The following CYP4F22 variants were observed in gnomAD, a reference collection of about 807,000 sequenced individuals.
The protein encoded by CYP4F22 is ultra-long-chain fatty acid omega-hydroxylase.
CYP4F22 carries 37 observed loss-of-function variants against 60.4 expected under a neutral mutation model. The ratio of observed to expected loss-of-function variants is 0.61; its 90% confidence interval spans 0.47 to 0.81. CYP4F22 has a LOEUF of 0.81. CYP4F22 is among the 30% of genes least tolerant of loss of function. CYP4F22 has a pLI of 0.00. For missense variants in CYP4F22, 655 were observed against 715.0 expected, an observed-to-expected ratio of 0.92 and a Z score of 0.96; for synonymous variants, 258 against 280.5, an observed-to-expected ratio of 0.92 and a Z score of 0.80.
At chr19:15,546,129 C>A (rs1775923372) in intron 10 of CYP4F22, among the ~76,000 whole-genome samples, 1 of 152,154 alleles carries the variant, frequency 6.6e-6, no homozygotes, top group South Asian at 2.1e-4. Flanking sequence ...AGTGTGCCAC[C>A]ACAACTGGCT....
chr19:15,510,966 A>ATATATATATATTTTTTT (rs34055543), intron 1 of CYP4F22, among the ~76,000 whole-genome samples: 13 of 103,332 alleles, frequency 1.3e-4, no homozygotes, highest in Non-Finnish European at 1.8e-4. Context: ...ATATATATAT[A>ATATATATATATTTTTTT]TTTTTTTTTT....
chr19:15,529,668 G>A (rs1254644808), intron 3 of CYP4F22, 41 bp from the exon 4 acceptor site: 5 of 1,612,448 alleles, frequency 3.1e-6, no homozygotes, highest in Non-Finnish European at 4.2e-6. Flanking sequence ...GGGAAGCTGG[G>A]GCTGGGTACC....
At chr19:15,522,998 A>G (rs1274524684) in intron 1 of CYP4F22, among the ~76,000 whole-genome samples, 1 of 151,508 alleles carries the variant, frequency 6.6e-6, no homozygotes, top group African/African-American at 2.4e-5. Context: ...GGTGTGAGCC[A>G]CTGCACCCGG....
rs1205248539 is a variant in CYP4F22, at chr19:15,525,812, A to G, written c.222+254A>G. Among the ~76,000 whole-genome samples, 4 of 152,146 alleles carry G rather than the reference A, an allele frequency of 2.6e-5. No homozygotes were observed. In the East Asian group the frequency reaches 7.7e-4, roughly 29 times the overall value. ...GAGGCTGAGGTGAGAGGATTGCTTG[A>G]GGCCAGGAGTTTGAGACCAGCTTGG... On this transcript the variant is annotated intron_variant, in intron 3 of 13. Transcript: ENST00000269703.
intron 1 of CYP4F22, among the ~76,000 whole-genome samples, chr19:15,521,397 A>C (rs1215739004): frequency 6.6e-6 from 1 of 151,620 alleles, no homozygotes; most frequent in Non-Finnish European, 1.5e-5. Flanking sequence ...ACACCTGGCT[A>C]ATTTTTTGTA....
At position 15,537,680 on chromosome 19, in the gene CYP4F22, G is replaced by A; in HGVS notation, c.549+18G>A. ...TTATGCATGTGAGTCCTAAGGCTTT[G>A]AGGGAAGAGGGTGTCTTGGGAGTGA... On this transcript the variant is annotated intron_variant, in intron 6 of 13. Coordinates refer to ENST00000269703, the MANE Select transcript of CYP4F22 (RefSeq NM_173483.4). 6.2e-7 allele frequency: 1 copy of A among 1,610,216 alleles called. No individual in the cohort carries two copies. The highest frequency in any genetic ancestry group is 8.5e-7 in the Non-Finnish European group (1 of 1,180,014).
In CYP4F22 at chr19:15,510,027, G is replaced by A. The variant is rs555518454; in HGVS notation, c.-109+1444G>A. 2.2e-4 allele frequency among the ~76,000 whole-genome samples: 33 copies of A among 150,980 alleles called. 1 individual carries two copies. In the South Asian group the frequency reaches 6.9e-3, roughly 32 times the overall value. The stretch of plus-strand genomic sequence containing the variant: ...GACAGGGTCTCACTTTGTCACCCAG[G>A]CAGGAGTGCAGTGGCATAATCATAG... On this transcript the variant is annotated intron_variant, in intron 1 of 13. Coordinates refer to ENST00000269703, the MANE Select transcript of CYP4F22 (RefSeq NM_173483.4).
rs76015551 is a variant in CYP4F22, at chr19:15,537,352, C to T, written c.368-9C>T. ...TTTTGAGTCACCATTTTCCCTTTGC[C>T]CTCCACAGCTGCCATCGCCCCCAAG... On this transcript the variant is annotated splice_polypyrimidine_tract_variant and intron_variant, in intron 4 of 13. Coordinates refer to ENST00000269703, the MANE Select transcript of CYP4F22 (RefSeq NM_173483.4). The T allele has an allele frequency of 6.2e-7, 1 of 1,614,018 alleles. No homozygotes were observed. Among genetic ancestry groups the T allele is most frequent in the African/African-American group, 1.3e-5 (1 of 74,986 alleles).
intron 4 of CYP4F22, among the ~76,000 whole-genome samples, chr19:15,533,092 G>C (rs946494818): frequency 6.6e-6 from 1 of 152,272 alleles, no homozygotes; most frequent in Admixed American, 6.5e-5. Flanking sequence ...CCTGGAGGAG[G>C]GCCCAGCTCC....
In CYP4F22 at chr19:15,541,603, G is replaced by A. The variant is rs1047163234; in HGVS notation, c.939+886G>A. 2.6e-5 allele frequency among the ~76,000 whole-genome samples: 4 copies of A among 152,000 alleles called. No homozygotes were observed. In the East Asian group the frequency reaches 7.7e-4, roughly 29 times the overall value. On this transcript the variant is annotated intron_variant, in intron 8 of 13. Transcript: ENST00000269703. Reference sequence around the variant, plus strand: ...AAAATGAAATACATGACCTTGGGCTGGGCGTGGTGGCTCATACCTGTAATC... The same window carrying A: ...AAAATGAAATACATGACCTTGGGCTAGGCGTGGTGGCTCATACCTGTAATC...
At chr19:15,527,643 G>C (rs1473383420) in intron 3 of CYP4F22, among the ~76,000 whole-genome samples, 1 of 152,204 alleles carries the variant, frequency 6.6e-6, no homozygotes, top group African/African-American at 2.4e-5. Flanking sequence ...GCTGGGTGAG[G>C]CTGCAATTGA....
intron 7 of CYP4F22, among the ~76,000 whole-genome samples, 185 bp downstream of exon 7, chr19:15,538,178 G>T (rs1163350971): frequency 6.6e-6 from 1 of 152,054 alleles, no homozygotes; most frequent in Non-Finnish European, 1.5e-5. Flanking sequence ...TCAAAAAAAT[G>T]GGCATCATAA....
intron 10 of CYP4F22, among the ~76,000 whole-genome samples, chr19:15,544,502 C>T (rs776867603): frequency 7.2e-5 from 11 of 152,188 alleles, no homozygotes; most frequent in African/African-American, 1.7e-4. Flanking sequence ...TGCAATGATG[C>T]TGCATAATGA....
intron 4 of CYP4F22, among the ~76,000 whole-genome samples, chr19:15,532,585 T>G (rs1325887516): frequency 6.6e-6 from 1 of 152,004 alleles, no homozygotes; most frequent in Non-Finnish European, 1.5e-5. Flanking sequence ...CTGCACCATA[T>G]TGGCCAGGCT....
At chr19:15,508,654 G>T (rs1010065382) in intron 1 of CYP4F22, 71 bp downstream of exon 1, 2 of 152,384 alleles carry the variant, frequency 1.3e-5, no homozygotes, top group African/African-American at 4.8e-5. Flanking sequence ...CGAGGCTCGC[G>T]CGGTTCGGTG....
At chr19:15,532,390 T>C (rs1237914289) in intron 4 of CYP4F22, among the ~76,000 whole-genome samples, 2 of 151,152 alleles carry the variant, frequency 1.3e-5, no homozygotes, top group Non-Finnish European at 2.9e-5. Flanking sequence ...TTCCTCTTCT[T>C]TTTAGACAGA....
chr19:15,542,604 G>A (rs374480269), intron 8 of CYP4F22, among the ~76,000 whole-genome samples: 1 of 152,046 alleles, frequency 6.6e-6, no homozygotes, highest in African/African-American at 2.4e-5. Flanking sequence ...GGTTTGTTAC[G>A]TAGGTAAACA....
chr19:15,515,583 A>G (rs1971144078), intron 1 of CYP4F22: 3 of 478,442 alleles, frequency 6.3e-6, no homozygotes, highest in Non-Finnish European at 1.2e-5. Flanking sequence ...AAAATTAGCC[A>G]GGTGTGGTGG....
intron 1 of CYP4F22, chr19:15,515,358 A>G: frequency 8.2e-7 from 1 of 1,216,188 alleles, no homozygotes. Context: ...TCCCACACAC[A>G]GACATTGATC....
Sources: allele counts gnomAD v4.1 joint callset (sites outside exome capture counted in the v4.1 genomes callset), GRCh38; gene constraint gnomAD v4.1.1; transcripts MANE v1.5; gene names NCBI Gene and HGNC (gene_info 2026-07-23, HGNC 2026-07-21).